PLXNA2: variants seen among roughly 807,000 people sequenced by gnomAD.
PLXNA2 encodes the protein plexin A2, also known as plexin-A2.
A neutral mutation model predicts 193.5 loss-of-function variants in PLXNA2; 91 were observed. The observed-to-expected ratio is 0.47, with a 90% CI of 0.40 to 0.56. The LOEUF is 0.56. Among genes scored for constraint, PLXNA2 ranks in the 20% least tolerant of loss-of-function variants. PLXNA2 has a pLI of 0.00. For missense variants in PLXNA2, 1,995 were observed against 2,503.2 expected (o/e 0.80, Z 4.33); for synonymous variants, 997 against 1,027.3 (o/e 0.97, Z 0.56).
chr1:208,210,091 T>C, intron 3 of PLXNA2, 189 bp downstream of exon 3: 1 of 562,368 alleles, frequency 1.8e-6, no homozygotes, highest in Non-Finnish European at 3.3e-6. Flanking sequence ...ACCCAATGAC[T>C]GATGGCTGGA....
At chr1:208,108,095 A>T (rs2102426277) in intron 4 of PLXNA2, among the ~76,000 whole-genome samples, 1 of 152,222 alleles carries the variant, frequency 6.6e-6, no homozygotes, top group Admixed American at 6.5e-5. Context: ...GCGGGGCTGA[A>T]GATACATGTG....
chr1:208,044,508 C>T lies in PLXNA2; in HGVS notation c.3874G>A (p.Ala1292Thr). ...CAAATGAGGGTGTGCTTCCACTAACCTTCCTTGCACTCCAAGGCCACACGG... is the reference window on the plus strand; with the variant it reads ...CAAATGAGGGTGTGCTTCCACTAACTTTCCTTGCACTCCAAGGCCACACGG... Reference protein sequence around the residue: ...ESRVALECKEAFAELQTDINE... With the variant: ...ESRVALECKETFAELQTDINE... The change falls in exon 20 of 32, where the codon GCT becomes ACT. Residue 1292 changes from alanine to threonine, a missense_variant and splice_region_variant. Physicochemically the swap from Ala to Thr is moderately conservative, Grantham distance 58. Transcript: ENST00000367033. The surrounding 1 kb of genome is among the most constrained non-coding windows in gnomAD (Gnocchi z 4.9). 6.2e-7 allele frequency: 1 copy of T among 1,610,554 alleles called. No individual in the cohort carries two copies. The highest frequency in any genetic ancestry group is 8.5e-7 in the Non-Finnish European group (1 of 1,176,756).
chr1:208,142,159 G>A (rs900273135), intron 4 of PLXNA2, among the ~76,000 whole-genome samples, 170 bp downstream of exon 4: 11 of 152,204 alleles, frequency 7.2e-5, no homozygotes, highest in Non-Finnish European at 1.5e-4. Flanking sequence ...GCCCCCGGCT[G>A]CTTCTCTCTA....
intron 1 of PLXNA2, among the ~76,000 whole-genome samples, chr1:208,220,629 A>C (rs1202091436): frequency 1.3e-5 from 2 of 151,086 alleles, no homozygotes; most frequent in Non-Finnish European, 2.9e-5. Flanking sequence ...TTTTTAGTAA[A>C]GACAGGGTTT....
rs779644980 is a variant in PLXNA2 at position 208,051,305 on chromosome 1, T to C, written c.3112A>G (p.Ile1038Val). The change falls in exon 16 of 32, where the codon ATA (isoleucine) becomes GTA (valine). Residue 1038 changes from isoleucine to valine, a missense_variant. Transcript: ENST00000367033. ...ATGCGCTGGACCCGAGGGTCATCTATGTACTCAAACTGCAGGTTGCTATCC... is the reference window on the plus strand; with the variant it reads ...ATGCGCTGGACCCGAGGGTCATCTACGTACTCAAACTGCAGGTTGCTATCC... ...HVDSNLQFEYIDDPRVQRIEP... is the reference protein window; with the variant it reads ...HVDSNLQFEYVDDPRVQRIEP... The C allele has an allele frequency of 1.2e-6, 2 of 1,613,824 alleles. No homozygotes were observed. Among genetic ancestry groups the C allele is most frequent in the South Asian group, 2.2e-5 (2 of 90,982 alleles).
rs1248808752 is a variant in PLXNA2, at chr1:208,217,167, A to G, written c.756T>C (p.Phe252=). 6.2e-7 allele frequency: 1 copy of G among 1,614,080 alleles called. No homozygotes were observed. The highest frequency in any genetic ancestry group is 2.2e-5 in the East Asian group (1 of 44,888). ...FYIYGFASGG[F]VYFLTVQPET... The stretch of plus-strand genomic sequence containing the variant: ...CGGGCTGGACAGTGAGAAAGTAGAC[A>G]AAGCCCCCACTAGCAAAGCCGTAGA... The change falls in exon 2 of 32, where the codon TTT becomes TTC. Residue 252 remains phenylalanine (F), a synonymous_variant. Coordinates refer to ENST00000367033, the MANE Select transcript of PLXNA2 (RefSeq NM_025179.4). The surrounding 1 kb of genome is among the most constrained non-coding windows in gnomAD (Gnocchi z 4.7).
At chr1:208,121,372 G>A (rs1023190996) in intron 4 of PLXNA2, among the ~76,000 whole-genome samples, 5 of 152,124 alleles carry the variant, frequency 3.3e-5, no homozygotes, top group African/African-American at 9.7e-5. Flanking sequence ...AAGAATTCTC[G>A]TGCTTATGAA....
rs1056262119 is a variant in PLXNA2 at position 208,064,359 on chromosome 1, C to T, written c.2587-3522G>A. Among the ~76,000 whole-genome samples the T allele has an allele frequency of 5.3e-5, 8 of 152,248 alleles. No homozygotes were observed. The South Asian group carries it at 1.4e-3, about 28-fold the overall frequency. On this transcript the variant is annotated intron_variant, in intron 12 of 31. Coordinates refer to ENST00000367033, the MANE Select transcript of PLXNA2 (RefSeq NM_025179.4). ...AAACCTTCCATGGCTCTGACCATTGCCAAGGCAAAGTCCCTAATTCCTAAG... is the reference window on the plus strand; with the variant it reads ...AAACCTTCCATGGCTCTGACCATTGTCAAGGCAAAGTCCCTAATTCCTAAG...
At chr1:208,221,646 A>G (rs1232482605) in intron 1 of PLXNA2, among the ~76,000 whole-genome samples, 3 of 152,118 alleles carry the variant, frequency 2.0e-5, no homozygotes, top group Non-Finnish European at 4.4e-5. Flanking sequence ...TCATGAAGAC[A>G]GCTGACTTCA....
At position 208,217,259 on chromosome 1, in the gene PLXNA2, C is replaced by A. The variant is rs1048690080; in HGVS notation, c.664G>T (p.Val222Phe). 3 of 1,614,002 alleles carry A rather than the reference C, an allele frequency of 1.9e-6. No homozygotes were observed. Among genetic ancestry groups the A allele is most frequent in the African/African-American group, 1.3e-5 (1 of 74,898 alleles). ...GAAGGGATCTTGATGAGAGAGGAGACAAAATCGCTGTGTAGCTCATAGTCG... is the reference window on the plus strand; with the variant it reads ...GAAGGGATCTTGATGAGAGAGGAGAAAAAATCGCTGTGTAGCTCATAGTCG... ...MLDYELHSDF[V>F]SSLIKIPSDT... The change falls in exon 2 of 32, where the codon GTC becomes TTC. Residue 222 changes from valine to phenylalanine, a missense_variant. Physicochemically the swap from Val to Phe is conservative, Grantham distance 50. Around this residue, in one of 3 missense-constraint regions of PLXNA2, gnomAD observed 702 missense variants for 812.9 expected, o/e 0.86. Transcript: ENST00000367033. This position sits in a 1 kb window ranked among gnomAD's most constrained non-coding sequence, Gnocchi z 4.7.
At chr1:208,039,795 TG>T in intron 23 of PLXNA2, 28 bp from the exon 24 acceptor site, 1 of 1,613,608 alleles carries the variant, frequency 6.2e-7, no homozygotes, top group Non-Finnish European at 8.5e-7. Flanking sequence ...GCAGGAGGTG[TG>T]GGCACGGCCT....
In PLXNA2 at chr1:208,038,316, A is replaced by C. The variant is rs1331902558; in HGVS notation, c.4764+55T>G. On this transcript the variant is annotated intron_variant, in intron 26 of 31. Coordinates refer to ENST00000367033, the MANE Select transcript of PLXNA2 (RefSeq NM_025179.4). The surrounding 1 kb of genome is among the most constrained non-coding windows in gnomAD (Gnocchi z 4.1). ...CTTTTGAGGCCTTAGAGCAAGGCTT[A>C]GCGGGAAGGGAACATTCTGGGAAGC... 8.9e-6 allele frequency: 11 copies of C among 1,233,616 alleles called. No homozygotes were observed. The highest frequency in any genetic ancestry group is 5.0e-5 in the Admixed American group (3 of 59,452). 76.4% of individuals were successfully genotyped at this position (1,233,616 alleles called of 1,614,324 possible).
At chr1:208,030,572 C>T in intron 29 of PLXNA2, 2 of 985,432 alleles carry the variant, frequency 2.0e-6, no homozygotes, top group Non-Finnish European at 2.4e-6. Context: ...CTGAGGAAGG[C>T]TCAGCGACCA....
chr1:208,217,449 G>C lies in PLXNA2; in HGVS notation c.474C>G (p.Tyr158Ter). The change falls in exon 2 of 32, where the codon TAC becomes TAG. Residue 158 changes from tyrosine to a stop codon, truncating the protein, a stop_gained. Coordinates refer to ENST00000367033, the MANE Select transcript of PLXNA2 (RefSeq NM_025179.4). LOFTEE classifies it high-confidence loss of function. The surrounding 1 kb of genome is among the most constrained non-coding windows in gnomAD (Gnocchi z 4.7). ...LVEPSHKKEH[Y>*]LSSVNKTGTM... ...TGCCCGTCTTGTTGACACTGGACAG[G>C]TAGTGCTCCTTCTTGTGGGATGGCT... is the stretch of plus-strand genomic sequence containing the variant. 6.2e-7 allele frequency: 1 copy of C among 1,614,194 alleles called. No individual in the cohort carries two copies. The highest frequency in any genetic ancestry group is 8.5e-7 in the Non-Finnish European group (1 of 1,180,052).
At position 208,133,573 on chromosome 1, in the gene PLXNA2, A is replaced by T. The variant is rs778453420; in HGVS notation, c.1506+8756T>A. Among the ~76,000 whole-genome samples the T allele has an allele frequency of 2.7e-4, 41 of 152,358 alleles. 1 individual carries two copies. Among genetic ancestry groups the T allele is most frequent in the Admixed American group, 9.8e-4 (15 of 15,312 alleles). ...GCTCTATGCATTATACATGGTCAAC[A>T]CTTAATGGTCTATTGAATGAATGAG... On this transcript the variant is annotated intron_variant, in intron 4 of 31. Coordinates refer to ENST00000367033, the MANE Select transcript of PLXNA2 (RefSeq NM_025179.4).
intron 3 of PLXNA2, among the ~76,000 whole-genome samples, chr1:208,149,765 T>C (rs1421706421): frequency 5.3e-5 from 8 of 152,144 alleles, no homozygotes; most frequent in Non-Finnish European, 1.0e-4. Context: ...GAATTATTTA[T>C]AGATTTAAGT....
intron 1 of PLXNA2, among the ~76,000 whole-genome samples, chr1:208,239,460 C>T (rs1671976799): frequency 6.6e-6 from 1 of 152,184 alleles, no homozygotes; most frequent in Non-Finnish European, 1.5e-5. Context: ...TCTGTCTTTC[C>T]ATGTGTGCCT....
chr1:208,213,804 T>A (rs1469056866), intron 2 of PLXNA2, among the ~76,000 whole-genome samples: 1 of 152,182 alleles, frequency 6.6e-6, no homozygotes, highest in Non-Finnish European at 1.5e-5. Flanking sequence ...ACCAGAAGGG[T>A]GTGGTGCTGA....
At chr1:208,054,659 C>T in intron 13 of PLXNA2, 121 bp from the exon 14 acceptor site, 1 of 709,088 alleles carries the variant, frequency 1.4e-6, no homozygotes, top group Middle Eastern at 2.4e-4. Context: ...GACCAAGACT[C>T]AGCTTGGTCA....
Sources: gnomAD v4.1 joint callset for allele counts (sites outside exome capture counted in the v4.1 genomes callset) on GRCh38, gnomAD v4.1.1 for gene constraint, gnomAD v4.1.1 regional missense constraint, Gnocchi (gnomAD v3.1) non-coding constraint, MANE v1.5 for transcripts, NCBI Gene and HGNC (gene_info 2026-07-23, HGNC 2026-07-21) for gene names.